Variants in MICAL2 observed in about 807,000 individuals in gnomAD.
MICAL2 encodes microtubule associated monooxygenase, calponin and LIM domain containing 2.
MICAL2 carries 77 observed loss-of-function variants against 127.3 expected under a neutral mutation model. The ratio of observed to expected loss-of-function variants is 0.60; its 90% confidence interval spans 0.50 to 0.73. The LOEUF is 0.73. Among genes scored for constraint, MICAL2 ranks in the 30% least tolerant of loss-of-function variants. The probability of loss-of-function intolerance (pLI) is 0.00; values close to 1 mark genes in which losing one functional copy is unlikely to be tolerated. For synonymous variants in MICAL2, 570 were observed against 551.1 expected (o/e 1.03, Z -0.48); for missense variants, 1,351 against 1,434.4 (o/e 0.94, Z 0.94).
chr11:12,273,224 G>A (rs749999215), upstream of MICAL2, among the ~76,000 whole-genome samples: 2 of 152,106 alleles, frequency 1.3e-5, no homozygotes, highest in Non-Finnish European at 2.9e-5. Context: ...GGAAAATGGG[G>A]GTAATAACAA....
chr11:12,285,327 G>A (rs1863813150), intron 2 of MICAL2, among the ~76,000 whole-genome samples: 1 of 152,190 alleles, frequency 6.6e-6, no homozygotes, highest in Admixed American at 6.5e-5. Flanking sequence ...ATTTGGGAAG[G>A]TTCGGAATCT....
intron 2 of MICAL2, among the ~76,000 whole-genome samples, chr11:12,283,755 T>C (rs1315568226): frequency 1.3e-5 from 2 of 152,354 alleles, no homozygotes; most frequent in African/African-American, 4.8e-5. Flanking sequence ...TAAAAAGACT[T>C]CGGGGACTAC....
At chr11:12,227,320 A>G (rs1857609314) in intron 15 of MICAL2, 189 bp downstream of exon 15, 1 of 550,396 alleles carries the variant, frequency 1.8e-6, no homozygotes, top group South Asian at 2.1e-5. Flanking sequence ...CTGTGTAGCT[A>G]GTTTCAATGA....
chr11:12,346,888 C>T (rs977159310), intron 32 of MICAL2, among the ~76,000 whole-genome samples: 2 of 151,934 alleles, frequency 1.3e-5, no homozygotes, highest in African/African-American at 2.4e-5. Flanking sequence ...ACCTTATTTC[C>T]CTCCCTCCTC....
At chr11:12,354,280 C>A (rs973550522) in intron 33 of MICAL2, among the ~76,000 whole-genome samples, 13 of 152,186 alleles carry the variant, frequency 8.5e-5, no homozygotes, top group African/African-American at 3.1e-4. Context: ...AGTTCGAGAC[C>A]AGCCTGGCCA....
intron 34 of MICAL2, among the ~76,000 whole-genome samples, chr11:12,357,965 TTTG>T (rs1939153978): frequency 6.6e-6 from 1 of 152,204 alleles, no homozygotes; most frequent in South Asian, 2.1e-4. Context: ...AACCGCCTTT[TTTG>T]TTGTTTTGTT....
At chr11:12,307,377 T>G (rs1364754648) in intron 29 of MICAL2, among the ~76,000 whole-genome samples, 1 of 152,200 alleles carries the variant, frequency 6.6e-6, no homozygotes, top group Non-Finnish European at 1.5e-5. Flanking sequence ...AGTCAGTGGA[T>G]TGTTGTTTCA....
chr11:12,217,647 TG>T (rs2134237721), intron 8 of MICAL2, among the ~76,000 whole-genome samples: 1 of 152,252 alleles, frequency 6.6e-6, no homozygotes, highest in African/African-American at 2.4e-5. Flanking sequence ...ATGGGTTTTG[TG>T]TTTTGCAGAG....
chr11:12,221,142 TC>T (rs1370744195), intron 9 of MICAL2, among the ~76,000 whole-genome samples: 2 of 152,112 alleles, frequency 1.3e-5, no homozygotes, highest in African/African-American at 2.4e-5. Context: ...AGCCCTCAGT[TC>T]CCATCCTGCT....
chr11:12,223,364 G>A (rs1857047096), intron 11 of MICAL2, 47 bp from the exon 12 acceptor site: 5 of 1,556,948 alleles, frequency 3.2e-6, no homozygotes, highest in Non-Finnish European at 4.4e-6. Context: ...CCTGAGACTA[G>A]GATTTGGGGG....
chr11:12,236,268 TA>T, intron 16 of MICAL2, 23 bp downstream of exon 16: 1 of 1,610,958 alleles, frequency 6.2e-7, no homozygotes. Flanking sequence ...AGTGTGGCTT[TA>T]AACAGAGGCT....
chr11:12,223,998 A>G lies in MICAL2; in HGVS notation c.1540+497A>G, dbSNP rs544496749. ...CTCCTGCTTAGAGACCTCTTTGGCT[A>G]CCTGTGCCTGTCCAGGCTTTGCCTC... On this transcript the variant is annotated intron_variant, in intron 12 of 27. Transcript: ENST00000683283. 2.0e-5 allele frequency among the ~76,000 whole-genome samples: 3 copies of G among 152,108 alleles called. No homozygotes were observed. In the South Asian group the frequency reaches 6.2e-4, roughly 32 times the overall value.
At chr11:12,276,204 G>A in intron 1 of MICAL2, 1 of 391,742 alleles carries the variant, frequency 2.6e-6, no homozygotes, top group East Asian at 3.7e-5. Context: ...ACAGAAGCGG[G>A]GTTGGAGGAA....
intron 3 of MICAL2, chr11:12,196,128 C>A (rs866690443): frequency 6.5e-6 from 1 of 153,314 alleles, no homozygotes; most frequent in African/African-American, 2.4e-5. Context: ...GCGTGTGAGC[C>A]GGTGAAAATT....
At chr11:12,287,569 A>C (rs1202011561), downstream of MICAL2, among the ~76,000 whole-genome samples, 1 of 152,110 alleles carries the variant, frequency 6.6e-6, no homozygotes, top group African/African-American at 2.4e-5. Flanking sequence ...CACACAAAAC[A>C]GGATGCTACA....
intron 29 of MICAL2, among the ~76,000 whole-genome samples, chr11:12,300,903 CT>C (rs958267400): frequency 6.6e-6 from 1 of 152,214 alleles, no homozygotes; most frequent in Non-Finnish European, 1.5e-5. Context: ...AGTATATACT[CT>C]TTTGTGCCTG....
chr11:12,348,573 G>C (rs1565312407), intron 32 of MICAL2, among the ~76,000 whole-genome samples: 3 of 152,202 alleles, frequency 2.0e-5, no homozygotes, highest in African/African-American at 7.2e-5. Flanking sequence ...GAGACACAGA[G>C]AAAAGGGAAC....
chr11:12,242,757 C>A lies in MICAL2; in HGVS notation c.2643C>A (p.His881Gln), dbSNP rs199720685. 6.2e-7 allele frequency: 1 copy of A among 1,607,416 alleles called. No individual in the cohort carries two copies. Among genetic ancestry groups the A allele is most frequent in the Non-Finnish European group, 8.5e-7 (1 of 1,177,880 alleles). The change falls in exon 20 of 28, where the codon CAC (histidine) becomes CAA (glutamine). Residue 881 changes from histidine (H) to glutamine (Q), a missense_variant. His to Gln is a conservative substitution (Grantham distance 24). Coordinates refer to ENST00000683283, the MANE Select transcript of MICAL2 (RefSeq NM_001282663.2). Reference protein sequence around the residue: ...KAAHLASMFGHGDFPQNKLLS... With the variant: ...KAAHLASMFGQGDFPQNKLLS... ...CTCACCTTGCCTCCATGTTTGGACA[C>A]GGGGATTTCCCGCAGGTAAACATGG...
rs1179862338 is a variant in MICAL2, at chr11:12,201,560, C to T, written c.265-2690C>T. Among the ~76,000 whole-genome samples the T allele has an allele frequency of 3.3e-5, 5 of 152,024 alleles. No homozygotes were observed. In the East Asian group the frequency reaches 9.7e-4, roughly 29 times the overall value. On this transcript the variant is annotated intron_variant, in intron 3 of 27. Coordinates refer to ENST00000683283, the MANE Select transcript of MICAL2 (RefSeq NM_001282663.2). ...AACTCCTGCCTTAGGAAAGAGTTTCCTCTCATTCTTTCAGCCAGAGTATTG... is the reference window on the plus strand; with the variant it reads ...AACTCCTGCCTTAGGAAAGAGTTTCTTCTCATTCTTTCAGCCAGAGTATTG...
Sources: gnomAD v4.1 joint callset for allele counts (sites outside exome capture counted in the v4.1 genomes callset) on GRCh38, gnomAD v4.1.1 for gene constraint, MANE v1.5 for transcripts, NCBI Gene and HGNC (gene_info 2026-07-23, HGNC 2026-07-21) for gene names.